RAMP1: variants seen among roughly 807,000 people sequenced by gnomAD.
RAMP1 encodes the protein receptor activity-modifying protein 1.
Under a neutral mutation model 8.2 loss-of-function variants are expected in RAMP1, and 7 were observed. The ratio of observed to expected loss-of-function variants is 0.85; its 90% confidence interval spans 0.49 to 1.60. The LOEUF (loss-of-function observed/expected upper bound fraction) is 1.60. RAMP1 is among the 40% of genes most tolerant of loss of function. The pLI is 0.00. For missense variants in RAMP1, 192 were observed against 202.4 expected (o/e 0.95, Z 0.31); for synonymous variants, 92 against 84.7 (o/e 1.09, Z -0.47).
intron 2 of RAMP1, among the ~76,000 whole-genome samples, chr2:237,898,019 A>G (rs928702604): frequency 1.1e-4 from 16 of 152,068 alleles, no homozygotes; most frequent in Admixed American, 2.6e-4. Flanking sequence ...GGCTGGTCTC[A>G]AACTCCTGAC....
At chr2:237,885,947 C>G (rs1198357114) in intron 2 of RAMP1, among the ~76,000 whole-genome samples, 1 of 152,184 alleles carries the variant, frequency 6.6e-6, no homozygotes, top group Non-Finnish European at 1.5e-5. Context: ...GGAAGAGCCC[C>G]TGGGAGCCGG....
intron 2 of RAMP1, among the ~76,000 whole-genome samples, chr2:237,902,485 A>C (rs950338044): frequency 2.0e-5 from 3 of 152,004 alleles, no homozygotes; most frequent in African/African-American, 7.3e-5. Flanking sequence ...GGGGGAACAC[A>C]GCGAGGAGGA....
intron 2 of RAMP1, among the ~76,000 whole-genome samples, chr2:237,897,888 T>C (rs1229668153): frequency 1.3e-5 from 2 of 151,658 alleles, no homozygotes; most frequent in Admixed American, 6.6e-5. Context: ...AACCTCCACC[T>C]CCCGAGTTCA....
intron 2 of RAMP1, among the ~76,000 whole-genome samples, chr2:237,902,339 G>A: frequency 6.8e-6 from 1 of 146,372 alleles, no homozygotes; most frequent in Non-Finnish European, 1.5e-5. Context: ...TCAGGGGGTG[G>A]AGGAGGGGCT....
intron 2 of RAMP1, among the ~76,000 whole-genome samples, chr2:237,902,580 C>T (rs1348225336): frequency 2.6e-5 from 4 of 152,068 alleles, no homozygotes; most frequent in African/African-American, 7.2e-5. Context: ...TTGGGTCCCG[C>T]GGGGCCCCCA....
chr2:237,884,829 A>ACCCTG (rs778149573), intron 2 of RAMP1, among the ~76,000 whole-genome samples: 25 of 152,060 alleles, frequency 1.6e-4, no homozygotes, highest in African/African-American at 5.1e-4. Context: ...GTCACTGCGG[A>ACCCTG]CCCTGCCCTG....
chr2:237,884,420 AG>A (rs955881761), intron 2 of RAMP1, among the ~76,000 whole-genome samples: 1 of 152,200 alleles, frequency 6.6e-6, no homozygotes, highest in Non-Finnish European at 1.5e-5. Flanking sequence ...CTATGGGTGT[AG>A]GGGAGGGAGA....
intron 1 of RAMP1, among the ~76,000 whole-genome samples, chr2:237,860,528 A>G (rs2151000081): frequency 6.6e-6 from 1 of 152,296 alleles, no homozygotes; most frequent in African/African-American, 2.4e-5. Context: ...CTTGTCTGTA[A>G]TGTGTTCCTA....
At chr2:237,873,785 T>C (rs895742252) in intron 1 of RAMP1, among the ~76,000 whole-genome samples, 1 of 152,262 alleles carries the variant, frequency 6.6e-6, no homozygotes, top group Non-Finnish European at 1.5e-5. Flanking sequence ...AAAACTTTGA[T>C]GTTACCTCTC....
chr2:237,872,781 C>T (rs1559937960), intron 1 of RAMP1, among the ~76,000 whole-genome samples: 1 of 152,238 alleles, frequency 6.6e-6, no homozygotes, highest in Admixed American at 6.5e-5. Flanking sequence ...AATCCCAGCA[C>T]TGTGGGACGC....
intron 2 of RAMP1, among the ~76,000 whole-genome samples, chr2:237,884,507 C>G (rs1433793712): frequency 6.6e-6 from 1 of 152,124 alleles, no homozygotes; most frequent in Non-Finnish European, 1.5e-5. Context: ...TTAAAAGCCT[C>G]ACGTCAGATT....
At chr2:237,869,968 G>A (rs1269415273) in intron 1 of RAMP1, 1 of 152,232 alleles carries the variant, frequency 6.6e-6, no homozygotes, top group African/African-American at 2.4e-5. Flanking sequence ...CCCAACCTTG[G>A]AGAGCCGAGC....
At chr2:237,859,019 C>G (rs3754699), upstream of RAMP1, 29,156 of 152,722 alleles carry the variant, frequency 0.19, 3,087 homozygotes, top group South Asian at 0.28. Context: ...CTCAATCCCC[C>G]CAAAGAGCCC....
intron 2 of RAMP1, among the ~76,000 whole-genome samples, chr2:237,889,226 C>T (rs567531543): frequency 1.3e-5 from 2 of 152,302 alleles, no homozygotes; most frequent in Admixed American, 6.5e-5. Context: ...AGTCAGTGAC[C>T]GTGTGACCTC....
intron 2 of RAMP1, among the ~76,000 whole-genome samples, chr2:237,890,015 C>T (rs905757955): frequency 2.6e-5 from 4 of 152,204 alleles, no homozygotes; most frequent in Non-Finnish European, 2.9e-5. Flanking sequence ...GAAACCCCGC[C>T]GGCTGCGTCC....
chr2:237,865,118 T>G lies in RAMP1; in HGVS notation c.52+5391T>G. Among the ~76,000 whole-genome samples, 2 of 150,216 alleles carry G rather than the reference T, an allele frequency of 1.3e-5. No individual in the cohort carries two copies. Among genetic ancestry groups the G allele is most frequent in the Admixed American group, 6.6e-5 (1 of 15,088 alleles). On this transcript the variant is annotated intron_variant, in intron 1 of 2. Transcript: ENST00000254661. This position sits in a 1 kb window ranked among gnomAD's most constrained non-coding sequence, Gnocchi z 4.2. ...GCAGGAGGCCAGGCAAGGATAGGAG[T>G]GGGAGGGTTCCAGGGAGTCCTGGAG...
At chr2:237,887,009 T>A (rs2062440797) in intron 2 of RAMP1, among the ~76,000 whole-genome samples, 1 of 151,048 alleles carries the variant, frequency 6.6e-6, no homozygotes, top group Non-Finnish European at 1.5e-5. Flanking sequence ...GGGACTTGGC[T>A]GTCCTGGGAC....
intron 2 of RAMP1, among the ~76,000 whole-genome samples, chr2:237,898,448 G>A (rs1028030703): frequency 2.0e-5 from 3 of 152,100 alleles, no homozygotes; most frequent in African/African-American, 4.8e-5. Flanking sequence ...TTTCCCTCAC[G>A]CGTGCTGCCA....
At chr2:237,897,777 T>TGGG (rs11404748) in intron 2 of RAMP1, among the ~76,000 whole-genome samples, 159 of 140,860 alleles carry the variant, frequency 1.1e-3, no homozygotes, top group African/African-American at 3.5e-3. Flanking sequence ...TTTGGTTTTT[T>TGGG]GGGGGGGGGT....
Sources: allele counts gnomAD v4.1 joint callset (sites outside exome capture counted in the v4.1 genomes callset), GRCh38; gene constraint gnomAD v4.1.1; non-coding constraint Gnocchi (gnomAD v3.1); transcripts MANE v1.5; gene names NCBI Gene and HGNC (gene_info 2026-07-23, HGNC 2026-07-21).